Variants in ESRRG observed in about 807,000 individuals in gnomAD.
ESRRG encodes estrogen related receptor gamma.
Under a neutral mutation model 44.0 loss-of-function variants are expected in ESRRG, and 13 were observed. That is an observed-to-expected ratio of 0.30 (90% CI 0.19 to 0.47). The LOEUF is 0.47. Ranked by LOEUF, ESRRG falls within the 20% of genes least tolerant of loss-of-function variation. The pLI is 1.00. For missense variants in ESRRG, 395 were observed against 580.6 expected (o/e 0.68, Z 3.29); for synonymous variants, 215 against 214.6 (o/e 1.00, Z -0.02).
At chr1:216,852,928 C>T (rs2095863935) in intron 2 of ESRRG, among the ~76,000 whole-genome samples, 2 of 152,056 alleles carry the variant, frequency 1.3e-5, no homozygotes, top group African/African-American at 4.8e-5. Context: ...TCCTAGGTCC[C>T]GGGAAACCTA....
rs79038947 is a variant in ESRRG at position 216,768,450 on chromosome 1, TTATCTATCTATC to T, written c.-13-90971_-13-90960del. Among the ~76,000 whole-genome samples the T allele has an allele frequency of 1.4e-3, 159 of 114,758 alleles. 1 individual carries two copies. Among genetic ancestry groups the T allele is most frequent in the African/African-American group, 3.1e-3 (92 of 29,546 alleles). 75.3% of individuals were successfully genotyped at this position (114,758 alleles called of 152,430 possible). A position where few individuals can be genotyped will look rare whatever the true frequency, so the allele number is the denominator to read the frequency against. On this transcript the variant is annotated intron_variant, in intron 2 of 7. Coordinates refer to the ESRRG transcript ENST00000359162. ...TAGATATAGATAGATCTATCTATCA[TTATCTATCTATC>T]TATCTATCTATCTATCTATCTATCT...
intron 2 of ESRRG, among the ~76,000 whole-genome samples, chr1:216,918,249 C>G (rs1180813240): frequency 6.6e-6 from 1 of 151,940 alleles, no homozygotes; most frequent in Non-Finnish European, 1.5e-5. Flanking sequence ...TTTAAGTATT[C>G]CACATTCTCA....
intron 5 of ESRRG, among the ~76,000 whole-genome samples, chr1:216,546,255 A>G (rs2054474789): frequency 2.0e-5 from 3 of 152,100 alleles, no homozygotes; most frequent in African/African-American, 7.2e-5. Flanking sequence ...CCATGTGTCA[A>G]CTACTGGCTT....
At chr1:216,847,346 G>A (rs2095768703) in intron 2 of ESRRG, among the ~76,000 whole-genome samples, 1 of 152,082 alleles carries the variant, frequency 6.6e-6, no homozygotes, top group South Asian at 2.1e-4. Flanking sequence ...TATAGGGGCA[G>A]ACAACCTATT....
chr1:216,810,538 T>C (rs942110736), intron 2 of ESRRG, among the ~76,000 whole-genome samples: 8 of 149,404 alleles, frequency 5.4e-5, no homozygotes, highest in Admixed American at 6.7e-5. Flanking sequence ...CAGAATGTGG[T>C]GGTCAAGTAA....
At chr1:216,969,481 T>A (rs954966532) in intron 1 of ESRRG, among the ~76,000 whole-genome samples, 8 of 152,194 alleles carry the variant, frequency 5.3e-5, no homozygotes, top group African/African-American at 1.7e-4. Flanking sequence ...CAACCCATGA[T>A]CTAACATAAT....
intron 2 of ESRRG, among the ~76,000 whole-genome samples, chr1:216,895,546 A>T (rs1054532589): frequency 1.3e-5 from 2 of 152,218 alleles, no homozygotes; most frequent in Admixed American, 6.5e-5. Context: ...CCTCTGAAGG[A>T]TACAAATGTT....
At chr1:216,709,672 T>C (rs1276074030) in intron 1 of ESRRG, among the ~76,000 whole-genome samples, 1 of 150,542 alleles carries the variant, frequency 6.6e-6, no homozygotes, top group Non-Finnish European at 1.5e-5. Flanking sequence ...AGCTTTTTTT[T>C]CCTATGTAGG....
chr1:216,805,521 A>T (rs1401854256), intron 2 of ESRRG, among the ~76,000 whole-genome samples: 2 of 152,194 alleles, frequency 1.3e-5, no homozygotes, highest in African/African-American at 4.8e-5. Flanking sequence ...GGCGGGTCAC[A>T]AGTGAAATTC....
At position 216,967,706 on chromosome 1, in the gene ESRRG, C is replaced by T. The variant is rs192638324; in HGVS notation, c.-105-28033G>A. Among the ~76,000 whole-genome samples, 140 of 152,218 alleles carry T rather than the reference C, an allele frequency of 9.2e-4. No individual in the cohort carries two copies. The East Asian group carries it at 0.015, about 17-fold the overall frequency. On this transcript the variant is annotated intron_variant, in intron 1 of 7. Coordinates refer to the ESRRG transcript ENST00000359162. ...TACAGCTGCTATAAGCATATGTGTG[C>T]ATATTTTTGTGTGGCACAAGTTTTC...
chr1:217,114,726 G>A (rs1380754742), intron 1 of ESRRG, among the ~76,000 whole-genome samples: 4 of 139,074 alleles, frequency 2.9e-5, no homozygotes, highest in Non-Finnish European at 4.5e-5. Context: ...CTGGAGTGCT[G>A]GCTCACTGCA....
At chr1:216,901,453 G>A (rs190505846) in intron 2 of ESRRG, among the ~76,000 whole-genome samples, 28 of 147,994 alleles carry the variant, frequency 1.9e-4, no homozygotes, top group African/African-American at 6.0e-4. Context: ...TTGCAGCCTC[G>A]ACCTCCCAGA....
At chr1:216,556,391 A>G (rs1323562429) in intron 5 of ESRRG, among the ~76,000 whole-genome samples, 1 of 152,210 alleles carries the variant, frequency 6.6e-6, no homozygotes, top group East Asian at 1.9e-4. Context: ...CTTAGCAATT[A>G]CCATGAACTT....
chr1:216,780,887 C>G (rs970504898), intron 2 of ESRRG, among the ~76,000 whole-genome samples: 16 of 151,918 alleles, frequency 1.1e-4, no homozygotes, highest in Admixed American at 7.9e-4. Flanking sequence ...CATATGTTCA[C>G]GACACAACTA....
chr1:217,129,642 A>C (rs1031162894), intron 1 of ESRRG, among the ~76,000 whole-genome samples: 2 of 152,254 alleles, frequency 1.3e-5, no homozygotes, highest in African/African-American at 4.8e-5. Context: ...CTCATGTTAC[A>C]ATATGGATGA....
chr1:216,950,946 C>T (rs914988310), intron 1 of ESRRG, among the ~76,000 whole-genome samples: 12 of 152,066 alleles, frequency 7.9e-5, no homozygotes, highest in South Asian at 2.1e-4. Context: ...TGTTTAAAAC[C>T]GAGATGTGAT....
chr1:216,970,166 C>T (rs1163861273), intron 1 of ESRRG, among the ~76,000 whole-genome samples: 2 of 152,092 alleles, frequency 1.3e-5, no homozygotes, highest in African/African-American at 4.8e-5. Flanking sequence ...AAGAATCACC[C>T]ATGGAAACAT....
chr1:217,115,219 A>C (rs1310834867), intron 1 of ESRRG, among the ~76,000 whole-genome samples: 1 of 152,224 alleles, frequency 6.6e-6, no homozygotes, highest in Non-Finnish European at 1.5e-5. Flanking sequence ...CTCCTCTCCC[A>C]GACTGAATAA....
At chr1:217,117,189 C>T (rs1455678252) in intron 1 of ESRRG, among the ~76,000 whole-genome samples, 1 of 152,206 alleles carries the variant, frequency 6.6e-6, no homozygotes, top group Non-Finnish European at 1.5e-5. Flanking sequence ...CACATCCCTT[C>T]TCTAAGCCCC....
Sources: gnomAD v4.1 joint callset for allele counts (sites outside exome capture counted in the v4.1 genomes callset) on GRCh38, gnomAD v4.1.1 for gene constraint, MANE v1.5 for transcripts, NCBI Gene and HGNC (gene_info 2026-07-23, HGNC 2026-07-21) for gene names.